Variants in PCCA observed in about 807,000 individuals in gnomAD.
PCCA encodes propionyl-CoA carboxylase subunit alpha.
Under a neutral mutation model 101.3 loss-of-function variants are expected in PCCA, and 74 were observed. The ratio of observed to expected loss-of-function variants is 0.73; its 90% CI spans 0.61 to 0.89. PCCA has a LOEUF of 0.89. PCCA is among the 40% of genes least tolerant of loss of function. The probability of loss-of-function intolerance (pLI) is 0.00; values close to 1 mark genes in which losing one functional copy is unlikely to be tolerated. For synonymous variants in PCCA, 294 were observed against 313.6 expected, an observed-to-expected ratio of 0.94 and a Z score of 0.66; for missense variants, 891 against 907.0, an observed-to-expected ratio of 0.98 and a Z score of 0.23.
chr13:100,413,882 T>C (rs1303667436), intron 19 of PCCA, among the ~76,000 whole-genome samples: 1 of 152,206 alleles, frequency 6.6e-6, no homozygotes, highest in Non-Finnish European at 1.5e-5. Flanking sequence ...TAAGCTGATA[T>C]AATTTACAGT....
intron 2 of PCCA, among the ~76,000 whole-genome samples, chr13:100,108,247 A>G (rs2047988761): frequency 6.6e-6 from 1 of 152,228 alleles, no homozygotes; most frequent in Non-Finnish European, 1.5e-5. Flanking sequence ...TTTACTTCAG[A>G]TGACATTATT....
chr13:100,133,000 T>C (rs1261888977), intron 4 of PCCA, among the ~76,000 whole-genome samples: 3 of 152,136 alleles, frequency 2.0e-5, no homozygotes, highest in Admixed American at 6.6e-5. Context: ...AGGCTGGTCT[T>C]GAACTCCTGA....
At chr13:100,244,929 C>CTG (rs3223372) in intron 8 of PCCA, among the ~76,000 whole-genome samples, 1,592 of 141,670 alleles carry the variant, frequency 0.011, 14 homozygotes, top group Middle Eastern at 0.028. Flanking sequence ...TGAGGAAAGG[C>CTG]TGTGTGTGTG....
chr13:100,218,676 G>A (rs930435681), intron 7 of PCCA, among the ~76,000 whole-genome samples: 1 of 152,106 alleles, frequency 6.6e-6, no homozygotes, highest in Non-Finnish European at 1.5e-5. Context: ...ATAGAATATG[G>A]CAAAGGTGAT....
chr13:100,297,797 A>G (rs2065672557), intron 12 of PCCA, among the ~76,000 whole-genome samples: 1 of 152,144 alleles, frequency 6.6e-6, no homozygotes, highest in African/African-American at 2.4e-5. Context: ...ATGGCATTTG[A>G]TAATTTTTTG....
intron 7 of PCCA, among the ~76,000 whole-genome samples, chr13:100,234,693 C>T (rs1217675516): frequency 6.7e-6 from 1 of 148,846 alleles, no homozygotes; most frequent in Non-Finnish European, 1.5e-5. Flanking sequence ...TATAAACATC[C>T]CCCCCCGCCC....
At chr13:100,361,866 G>A (rs926108373) in intron 18 of PCCA, among the ~76,000 whole-genome samples, 5 of 151,980 alleles carry the variant, frequency 3.3e-5, no homozygotes, top group African/African-American at 1.2e-4. Context: ...TTTAGCCTAC[G>A]ACCTCTACTC....
intron 16 of PCCA, among the ~76,000 whole-genome samples, chr13:100,322,740 T>G (rs533783009): frequency 6.6e-6 from 1 of 152,072 alleles, no homozygotes; most frequent in East Asian, 1.9e-4. Context: ...CCAGCTAATT[T>G]TCTGTTTTTA....
chr13:100,318,007 C>T (rs2067559063), intron 16 of PCCA, among the ~76,000 whole-genome samples: 3 of 152,172 alleles, frequency 2.0e-5, no homozygotes, highest in Admixed American at 2.0e-4. Context: ...TGCCATTTTT[C>T]AGCATATCTC....
intron 4 of PCCA, among the ~76,000 whole-genome samples, chr13:100,134,760 T>C (rs181778197): frequency 3.9e-5 from 6 of 152,158 alleles, no homozygotes; most frequent in Admixed American, 1.3e-4. Context: ...CCCTATATTG[T>C]CAAGGCTGGT....
chr13:100,255,697 C>T lies in PCCA; in HGVS notation c.638-1898C>T, dbSNP rs146497828. Among the ~76,000 whole-genome samples the T allele has an allele frequency of 2.1e-4, 32 of 152,288 alleles. 1 individual carries two copies. The East Asian group carries it at 5.6e-3, about 27-fold the overall frequency. On this transcript the variant is annotated intron_variant, in intron 8 of 23. Transcript: ENST00000376285. ...CGTAAAACAGGCTAATTCTTCTCTACTGATTTCATTCTGATTATTTTATGC... is the reference window on the plus strand; with the variant it reads ...CGTAAAACAGGCTAATTCTTCTCTATTGATTTCATTCTGATTATTTTATGC...
chr13:100,318,405 A>G (rs1277443033), intron 16 of PCCA, among the ~76,000 whole-genome samples: 1 of 151,936 alleles, frequency 6.6e-6, no homozygotes, highest in Non-Finnish European at 1.5e-5. Flanking sequence ...GTAGGTATTC[A>G]TGTGCCATGT....
In PCCA at chr13:100,288,291, TTTTG is replaced by T. The variant is rs371151378; in HGVS notation, c.1066-13157_1066-13154del. Among the ~76,000 whole-genome samples, 148 of 152,180 alleles carry T rather than the reference TTTTG, an allele frequency of 9.7e-4. 4 individuals are homozygous for T. The South Asian group carries it at 0.028, about 29-fold the overall frequency. ...AGCCGTTATCGATGCATTGTGGGTT[TTTTG>T]TTTGTTTGTTTATTTTTAGAGAGAG... On this transcript the variant is annotated intron_variant, in intron 12 of 23. Coordinates refer to ENST00000376285, the MANE Select transcript of PCCA (RefSeq NM_000282.4).
intron 8 of PCCA, among the ~76,000 whole-genome samples, chr13:100,240,418 C>G (rs756126860): frequency 6.6e-6 from 1 of 151,408 alleles, no homozygotes; most frequent in Non-Finnish European, 1.5e-5. Context: ...ATGGCAGGAC[C>G]TAGCAGACTC....
chr13:100,152,379 T>C (rs1214589160), intron 4 of PCCA, among the ~76,000 whole-genome samples: 1 of 151,198 alleles, frequency 6.6e-6, no homozygotes, highest in Non-Finnish European at 1.5e-5. Context: ...TTTTTTAAAC[T>C]GGAACAATCT....
chr13:100,307,115 T>C, intron 14 of PCCA, 77 bp from the exon 15 acceptor site: 1 of 932,418 alleles, frequency 1.1e-6, no homozygotes, highest in Non-Finnish European at 1.7e-6. Flanking sequence ...ATTTTCTCCA[T>C]GGAAATGAAA....
chr13:100,529,136 G>A (rs1400202729), intron 23 of PCCA, among the ~76,000 whole-genome samples: 1 of 152,158 alleles, frequency 6.6e-6, no homozygotes, highest in African/African-American at 2.4e-5. Context: ...GCCAAGAAGA[G>A]CAGAAGTGGC....
chr13:100,427,112 G>A (rs548788305), intron 20 of PCCA, among the ~76,000 whole-genome samples: 2 of 152,170 alleles, frequency 1.3e-5, no homozygotes, highest in African/African-American at 4.8e-5. Flanking sequence ...AGCTACTTGG[G>A]AGGCCAGGGC....
At chr13:100,175,939 G>A (rs1297296966) in intron 6 of PCCA, among the ~76,000 whole-genome samples, 8 of 152,098 alleles carry the variant, frequency 5.3e-5, no homozygotes, top group African/African-American at 1.9e-4. Flanking sequence ...TGTGTTAGAC[G>A]TAAGATGTGA....
Sources: gnomAD v4.1 joint callset for allele counts (sites outside exome capture counted in the v4.1 genomes callset) on GRCh38, gnomAD v4.1.1 for gene constraint, MANE v1.5 for transcripts, NCBI Gene and HGNC (gene_info 2026-07-23, HGNC 2026-07-21) for gene names.